Variants in MCF2L observed in about 807,000 individuals in gnomAD.
The protein encoded by MCF2L is guanine nucleotide exchange factor DBS.
In MCF2L, 97 loss-of-function variants were observed where a neutral mutation model predicts 153.4. The ratio of observed to expected loss-of-function variants is 0.63; its 90% CI spans 0.54 to 0.75. The LOEUF (loss-of-function observed/expected upper bound fraction) is 0.75, where lower values mean the gene tolerates loss of function less well. Ranked by LOEUF, MCF2L falls within the 30% of genes least tolerant of loss-of-function variation. The pLI, the probability that MCF2L is intolerant of heterozygous loss-of-function variation, is 0.00. For synonymous variants in MCF2L, 659 were observed against 632.2 expected (o/e 1.04, Z -0.64); for missense variants, 1,347 against 1,495.2 (o/e 0.90, Z 1.64).
chr13:113,083,017 G>C (rs1458440189), intron 17 of MCF2L, among the ~76,000 whole-genome samples: 2 of 152,154 alleles, frequency 1.3e-5, no homozygotes, highest in Non-Finnish European at 2.9e-5. Context: ...ACCCATCATG[G>C]GGGCTGCTTG....
chr13:113,083,603 G>A (rs1042729385), intron 17 of MCF2L, among the ~76,000 whole-genome samples: 2 of 152,202 alleles, frequency 1.3e-5, no homozygotes, highest in African/African-American at 4.8e-5. Flanking sequence ...TGGGGGCGGC[G>A]CTGCCTAGGG....
chr13:112,920,895 C>T (rs1392101160), intron 2 of MCF2L, among the ~76,000 whole-genome samples: 3 of 152,014 alleles, frequency 2.0e-5, no homozygotes, highest in Middle Eastern at 3.2e-3. Context: ...TGGCCAGGCG[C>T]GGTGGCTCAA....
intron 4 of MCF2L, among the ~76,000 whole-genome samples, chr13:113,049,884 T>C (rs2087098456): frequency 6.6e-6 from 1 of 152,258 alleles, no homozygotes; most frequent in South Asian, 2.1e-4. Flanking sequence ...GCCTTCAGCA[T>C]GGCTTGGAAT....
chr13:112,911,515 A>G (rs2081232308), intron 2 of MCF2L, among the ~76,000 whole-genome samples: 1 of 152,150 alleles, frequency 6.6e-6, no homozygotes, highest in South Asian at 2.1e-4. Flanking sequence ...CTCCTCTGGG[A>G]ATGGCCCGCC....
intron 2 of MCF2L, among the ~76,000 whole-genome samples, chr13:113,016,317 G>A (rs1193554665): frequency 1.3e-5 from 2 of 152,166 alleles, no homozygotes; most frequent in African/African-American, 2.4e-5. Flanking sequence ...GTGTGGCCCC[G>A]AAGGAGGCAG....
intron 2 of MCF2L, among the ~76,000 whole-genome samples, chr13:112,914,368 T>C (rs2081268157): frequency 6.6e-6 from 1 of 152,192 alleles, no homozygotes; most frequent in African/African-American, 2.4e-5. Context: ...AGCATCCTTA[T>C]TCTCTTGCAC....
intron 1 of MCF2L, among the ~76,000 whole-genome samples, chr13:112,974,737 A>G (rs1246996424): frequency 2.6e-5 from 4 of 152,210 alleles, no homozygotes; most frequent in Non-Finnish European, 5.9e-5. Context: ...AGGCATAAGC[A>G]TCACAATCAG....
intron 4 of MCF2L, among the ~76,000 whole-genome samples, chr13:113,060,031 CG>C (rs1030178321): frequency 1.4e-4 from 21 of 152,202 alleles, no homozygotes; most frequent in African/African-American, 5.1e-4. Flanking sequence ...CAGGTGTGGC[CG>C]GAGGGGGCTC....
intron 1 of MCF2L, among the ~76,000 whole-genome samples, chr13:112,991,443 T>C (rs1433744656): frequency 1.3e-5 from 2 of 151,866 alleles, no homozygotes; most frequent in African/African-American, 4.8e-5. Context: ...TTTTGGGGGG[T>C]GTCTCTCAGG....
intron 2 of MCF2L, chr13:112,957,098 C>A (rs2081767434): frequency 6.6e-6 from 1 of 152,112 alleles, no homozygotes; most frequent in Admixed American, 6.6e-5. Flanking sequence ...CCCCCGAGAG[C>A]AAAGGATAAT....
At chr13:113,090,441 C>T (rs1209928309) in intron 26 of MCF2L, 2 of 966,404 alleles carry the variant, frequency 2.1e-6, no homozygotes, top group East Asian at 1.1e-4. Context: ...CTCCCTGCCC[C>T]CCACCCCCGC....
intron 1 of MCF2L, among the ~76,000 whole-genome samples, chr13:113,012,760 G>A (rs796491062): frequency 6.4e-3 from 637 of 99,590 alleles, no homozygotes; most frequent in East Asian, 0.036. Context: ...TGATGCGGAC[G>A]GTGGACAGGC....
At chr13:112,915,093 G>A (rs898731442) in intron 2 of MCF2L, among the ~76,000 whole-genome samples, 10 of 151,846 alleles carry the variant, frequency 6.6e-5, no homozygotes, top group Admixed American at 5.9e-4. Context: ...TTCTGACCTG[G>A]GGATCCTAAC....
At chr13:113,030,374 T>C (rs1174218765) in intron 3 of MCF2L, among the ~76,000 whole-genome samples, 1 of 139,124 alleles carries the variant, frequency 7.2e-6, no homozygotes, top group Non-Finnish European at 1.5e-5. Context: ...CTGACGCAGG[T>C]GTGGGCCCTC....
chr13:112,913,103 G>C (rs1566633234), intron 2 of MCF2L, among the ~76,000 whole-genome samples: 1 of 150,910 alleles, frequency 6.6e-6, no homozygotes. Flanking sequence ...GTCTATTTCT[G>C]TGTCTGTATG....
intron 4 of MCF2L, among the ~76,000 whole-genome samples, chr13:113,057,030 C>T (rs1052809332): frequency 8.3e-6 from 1 of 120,608 alleles, no homozygotes; most frequent in African/African-American, 3.3e-5. Flanking sequence ...TGAGTGGGCA[C>T]TGAGTGGGCG....
chr13:113,062,003 T>G (rs2141790041), intron 5 of MCF2L, among the ~76,000 whole-genome samples: 1 of 148,130 alleles, frequency 6.8e-6, no homozygotes, highest in South Asian at 2.2e-4. Flanking sequence ...GTGCCTGGCC[T>G]GGGGCAGTAA....
intron 2 of MCF2L, chr13:112,902,505 T>G (rs1456515107): frequency 1.1e-6 from 1 of 940,420 alleles, no homozygotes; most frequent in Non-Finnish European, 1.5e-6. Context: ...ACCCCCCAGG[T>G]AGCAGGCTGT....
chr13:113,000,348 C>T (rs2083312138), intron 1 of MCF2L, among the ~76,000 whole-genome samples: 2 of 152,066 alleles, frequency 1.3e-5, no homozygotes, highest in Admixed American at 6.5e-5. Flanking sequence ...CCTCGGTGGT[C>T]GTGAGTGGGT....
Sources: allele counts gnomAD v4.1 joint callset (sites outside exome capture counted in the v4.1 genomes callset), GRCh38; gene constraint gnomAD v4.1.1; transcripts MANE v1.5; gene names NCBI Gene and HGNC (gene_info 2026-07-23, HGNC 2026-07-21).